SNTG1: variants seen among roughly 807,000 people sequenced by gnomAD.
SNTG1 encodes the protein gamma-1-syntrophin.
In SNTG1, 39 loss-of-function variants were observed where a neutral mutation model predicts 74.7. That is an observed-to-expected ratio of 0.52 (90% confidence interval 0.40 to 0.68). The LOEUF is 0.68. Ranked by LOEUF, SNTG1 falls within the 30% of genes least tolerant of loss-of-function variation. The pLI is 0.00. For synonymous variants in SNTG1, 254 were observed against 217.1 expected, an observed-to-expected ratio of 1.17 and a Z score of -1.49; for missense variants, 685 against 609.5, an observed-to-expected ratio of 1.12 and a Z score of -1.30.
At chr8:50,413,974 T>G (rs1212095348) in intron 4 of SNTG1, among the ~76,000 whole-genome samples, 1 of 152,220 alleles carries the variant, frequency 6.6e-6, no homozygotes, top group Non-Finnish European at 1.5e-5. Flanking sequence ...GATATCTCCT[T>G]TCTATCAATA....
intron 15 of SNTG1, among the ~76,000 whole-genome samples, chr8:50,665,306 A>G (rs987014943): frequency 3.3e-5 from 5 of 152,090 alleles, no homozygotes; most frequent in Non-Finnish European, 5.9e-5. Flanking sequence ...ACTGTTAGAG[A>G]TGAAAGTCAT....
At chr8:50,735,637 C>T (rs1237510881) in intron 17 of SNTG1, among the ~76,000 whole-genome samples, 1 of 151,922 alleles carries the variant, frequency 6.6e-6, no homozygotes, top group East Asian at 1.9e-4. Flanking sequence ...AAGACCAAAC[C>T]TATGATTGAT....
chr8:50,653,610 T>C, intron 13 of SNTG1, among the ~76,000 whole-genome samples: 1 of 152,200 alleles, frequency 6.6e-6, no homozygotes, highest in East Asian at 1.9e-4. Context: ...CTGTTTATTT[T>C]TTTCTATATG....
chr8:50,557,621 G>C (rs928378297), intron 12 of SNTG1, among the ~76,000 whole-genome samples: 1 of 152,112 alleles, frequency 6.6e-6, no homozygotes, highest in Non-Finnish European at 1.5e-5. Flanking sequence ...GCTTCTTTCT[G>C]TGTGTGTCAC....
intron 1 of SNTG1, among the ~76,000 whole-genome samples, chr8:50,154,982 T>C (rs891663656): frequency 2.6e-5 from 4 of 152,258 alleles, no homozygotes; most frequent in Non-Finnish European, 4.4e-5. Flanking sequence ...GTGTAGGTTA[T>C]AGAGTAATTC....
At chr8:50,785,436 C>A (rs1361422003) in intron 18 of SNTG1, among the ~76,000 whole-genome samples, 4 of 151,848 alleles carry the variant, frequency 2.6e-5, no homozygotes, top group African/African-American at 9.7e-5. Flanking sequence ...TGTGTAAACT[C>A]TGAGAACAAC....
At chr8:50,765,806 C>A (rs1010467617) in intron 18 of SNTG1, among the ~76,000 whole-genome samples, 9 of 151,814 alleles carry the variant, frequency 5.9e-5, no homozygotes, top group South Asian at 4.1e-4. Flanking sequence ...GGAGAGAGAA[C>A]TTTTAACATG....
intron 1 of SNTG1, among the ~76,000 whole-genome samples, chr8:50,102,740 G>T (rs1339084513): frequency 1.3e-5 from 2 of 151,130 alleles, no homozygotes; most frequent in Admixed American, 6.6e-5. Context: ...TTTTGTATAA[G>T]GTGTAAGGAA....
chr8:50,660,209 GGAAAA>G (rs1352531993), intron 15 of SNTG1, among the ~76,000 whole-genome samples: 7 of 135,250 alleles, frequency 5.2e-5, no homozygotes, highest in Admixed American at 1.6e-4. Flanking sequence ...AAGAAAAGAA[GGAAAA>G]GAAAAGAAGA....
intron 2 of SNTG1, among the ~76,000 whole-genome samples, chr8:50,214,104 T>C (rs183791364): frequency 6.6e-6 from 1 of 151,832 alleles, no homozygotes; most frequent in African/African-American, 2.4e-5. Context: ...TCATGTCCTT[T>C]GTAGGGACAT....
At chr8:50,681,052 C>A (rs2095328875) in intron 15 of SNTG1, among the ~76,000 whole-genome samples, 1 of 152,068 alleles carries the variant, frequency 6.6e-6, no homozygotes, top group Non-Finnish European at 1.5e-5. Flanking sequence ...CTCATCTCAA[C>A]AAAAGATTAA....
chr8:50,498,438 G>T (rs1051821039), intron 8 of SNTG1, among the ~76,000 whole-genome samples: 2 of 151,774 alleles, frequency 1.3e-5, no homozygotes, highest in African/African-American at 4.8e-5. Context: ...TTTTCCTCAT[G>T]TTTTATTAGG....
At chr8:50,728,606 G>T (rs909597157) in intron 17 of SNTG1, among the ~76,000 whole-genome samples, 2 of 152,170 alleles carry the variant, frequency 1.3e-5, no homozygotes, top group African/African-American at 4.8e-5. Flanking sequence ...ATTGGTGACA[G>T]ATTGAACATT....
At chr8:50,269,416 A>C (rs1021980643) in intron 2 of SNTG1, among the ~76,000 whole-genome samples, 1 of 152,166 alleles carries the variant, frequency 6.6e-6, no homozygotes, top group African/African-American at 2.4e-5. Flanking sequence ...TTACTGTCAT[A>C]ATTATGGTCA....
chr8:50,287,126 A>G (rs1351627619), intron 2 of SNTG1, among the ~76,000 whole-genome samples: 1 of 152,094 alleles, frequency 6.6e-6, no homozygotes. Context: ...GGGTTCCCCT[A>G]GAGAACCATC....
At chr8:50,732,975 G>A (rs2095516587) in intron 17 of SNTG1, among the ~76,000 whole-genome samples, 9 of 151,830 alleles carry the variant, frequency 5.9e-5, no homozygotes, top group Admixed American at 5.9e-4. Context: ...AGGCAAATGT[G>A]CAGGTTTGTT....
chr8:50,475,731 C>A (rs190648704), intron 8 of SNTG1, among the ~76,000 whole-genome samples: 3 of 151,544 alleles, frequency 2.0e-5, no homozygotes, highest in African/African-American at 7.3e-5. Context: ...AGAAAGATTT[C>A]CAAAAAAAAT....
intron 2 of SNTG1, among the ~76,000 whole-genome samples, chr8:50,203,152 A>G (rs1207622033): frequency 6.6e-6 from 1 of 151,958 alleles, no homozygotes. Flanking sequence ...AAGCTCACTC[A>G]TTCTTTTCTT....
chr8:50,605,340 C>T (rs572139475), intron 13 of SNTG1, among the ~76,000 whole-genome samples: 39 of 152,102 alleles, frequency 2.6e-4, no homozygotes, highest in Admixed American at 1.1e-3. Context: ...GTCCTTGTGG[C>T]TTAGACTGCC....
Sources: allele counts gnomAD v4.1 joint callset (sites outside exome capture counted in the v4.1 genomes callset), GRCh38; gene constraint gnomAD v4.1.1; transcripts MANE v1.5; gene names NCBI Gene and HGNC (gene_info 2026-07-23, HGNC 2026-07-21).